SPATA6: variants seen among roughly 807,000 people sequenced by gnomAD.
SPATA6 encodes spermatogenesis-associated protein 6.
SPATA6 carries 56 observed loss-of-function variants against 65.3 expected under a neutral mutation model. The ratio of observed to expected loss-of-function variants is 0.86; its 90% CI spans 0.69 to 1.07. The LOEUF is 1.07. SPATA6 is among the 50% of genes least tolerant of loss of function. The pLI is 0.00. For missense variants in SPATA6, 590 were observed against 594.8 expected (o/e 0.99, Z 0.08); for synonymous variants, 199 against 213.2 (o/e 0.93, Z 0.58).
chr1:48,449,979 C>T (rs1656412714), intron 3 of SPATA6, among the ~76,000 whole-genome samples: 1 of 152,082 alleles, frequency 6.6e-6, no homozygotes, highest in Non-Finnish European at 1.5e-5. Flanking sequence ...CACAGGACTT[C>T]ATCACATTCT....
chr1:48,322,296 C>A (rs1174368837), intron 11 of SPATA6, among the ~76,000 whole-genome samples: 1 of 152,108 alleles, frequency 6.6e-6, no homozygotes, highest in African/African-American at 2.4e-5. Flanking sequence ...TTTGACAAAT[C>A]TGACAAAAAC....
At chr1:48,302,757 T>C (rs1435388596) in intron 12 of SPATA6, among the ~76,000 whole-genome samples, 2 of 152,124 alleles carry the variant, frequency 1.3e-5, no homozygotes, top group African/African-American at 4.8e-5. Flanking sequence ...AACATAATCT[T>C]CTACCCAACC....
chr1:48,387,116 A>G (rs1390897198), intron 8 of SPATA6, among the ~76,000 whole-genome samples: 1 of 152,166 alleles, frequency 6.6e-6, no homozygotes, highest in Non-Finnish European at 1.5e-5. Context: ...GCAGCAGGCA[A>G]AGAGAGAGAA....
At chr1:48,399,312 TG>T (rs1159208168) in intron 7 of SPATA6, 38 bp downstream of exon 7, 2 of 1,566,220 alleles carry the variant, frequency 1.3e-6, no homozygotes, top group African/African-American at 1.4e-5. Flanking sequence ...GGAAAAAAGC[TG>T]ATCAGTTTCA....
intron 9 of SPATA6, among the ~76,000 whole-genome samples, chr1:48,366,521 T>C (rs1647020030): frequency 6.6e-6 from 1 of 152,226 alleles, no homozygotes; most frequent in African/African-American, 2.4e-5. Flanking sequence ...GGTTTACTCT[T>C]GGGAGGGTGT....
chr1:48,290,129 C>T, the SPATA6 span, among the ~76,000 whole-genome samples: 1 of 152,166 alleles, frequency 6.6e-6, no homozygotes, highest in Admixed American at 6.5e-5. Context: ...AAGGGAAGCC[C>T]ATCAGACTAA....
chr1:48,285,768 C>A, the SPATA6 span, among the ~76,000 whole-genome samples: 2 of 152,148 alleles, frequency 1.3e-5, no homozygotes, highest in Non-Finnish European at 2.9e-5. Context: ...CAGGCTGCAC[C>A]CATTATCTAA....
intron 11 of SPATA6, among the ~76,000 whole-genome samples, chr1:48,344,018 C>A (rs1418042817): frequency 2.0e-5 from 3 of 151,848 alleles, no homozygotes; most frequent in Non-Finnish European, 4.4e-5. Flanking sequence ...TAGGTTTATA[C>A]CCAAATATAT....
intron 9 of SPATA6, among the ~76,000 whole-genome samples, chr1:48,360,593 G>A (rs781584879): frequency 1.4e-4 from 21 of 152,248 alleles, no homozygotes; most frequent in Admixed American, 1.0e-3. Context: ...AGTGGAGCTC[G>A]ACTGGGTAGT....
intron 3 of SPATA6, among the ~76,000 whole-genome samples, chr1:48,425,081 A>G (rs1181699523): frequency 2.0e-5 from 3 of 152,128 alleles, no homozygotes; most frequent in Non-Finnish European, 4.4e-5. Flanking sequence ...CATGTACTGG[A>G]GACTTTCCCC....
rs1285090439 is a variant in SPATA6 at position 48,315,831 on chromosome 1, C to T, written c.1195-9953G>A. ...AAAATCTCCTTAAGCTGATAAGCAA[C>T]GTCAGCAAAGTTTCAGGATACAAAA... is the stretch of plus-strand genomic sequence containing the variant. On this transcript the variant is annotated intron_variant, in intron 11 of 12. Transcript: ENST00000371847. 3.9e-5 allele frequency among the ~76,000 whole-genome samples: 6 copies of T among 152,104 alleles called. No individual in the cohort carries two copies. In the South Asian group the frequency reaches 8.3e-4, roughly 21 times the overall value.
chr1:48,302,197 ATTTT>A (rs1644955591), intron 12 of SPATA6, among the ~76,000 whole-genome samples: 1 of 151,916 alleles, frequency 6.6e-6, no homozygotes, highest in Non-Finnish European at 1.5e-5. Context: ...TTGTTTCTTT[ATTTT>A]TTTAATTGTT....
intron 11 of SPATA6, among the ~76,000 whole-genome samples, chr1:48,312,641 TCTC>T (rs2148670993): frequency 6.6e-6 from 1 of 151,986 alleles, no homozygotes; most frequent in South Asian, 2.1e-4. Context: ...TCAGAGCACC[TCTC>T]CTCCTCCAAA....
At position 48,399,777 on chromosome 1, in the gene SPATA6, T is replaced by C. The variant is rs556094069; in HGVS notation, c.487-133A>G. ...GCCAACTAGATCAGTCCTTCCTATC[T>C]GTGCTGATCCTGGGATAAGTCAAAT... is the stretch of plus-strand genomic sequence containing the variant. On this transcript the variant is annotated intron_variant, in intron 6 of 12. Transcript: ENST00000371847. The C allele has an allele frequency of 3.0e-5, 22 of 745,454 alleles. 1 individual carries two copies. In the South Asian group the frequency reaches 4.0e-4, roughly 14 times the overall value. The allele number at this position is 745,454 out of a possible 1,614,324, so 46.2% of individuals were successfully genotyped here.
At chr1:48,440,590 T>C (rs1385037448) in intron 3 of SPATA6, among the ~76,000 whole-genome samples, 2 of 152,174 alleles carry the variant, frequency 1.3e-5, no homozygotes, top group Admixed American at 6.5e-5. Flanking sequence ...ACCTGTGTTC[T>C]AGAAGGACTA....
chr1:48,444,561 A>T (rs962950137), intron 3 of SPATA6, among the ~76,000 whole-genome samples: 2 of 152,138 alleles, frequency 1.3e-5, no homozygotes, highest in Non-Finnish European at 2.9e-5. Context: ...ACCAATCAGC[A>T]CTCTGTAAAA....
chr1:48,364,821 T>C (rs553718131), intron 9 of SPATA6, among the ~76,000 whole-genome samples: 4 of 152,364 alleles, frequency 2.6e-5, no homozygotes, highest in East Asian at 3.9e-4. Context: ...CATTTGTCAA[T>C]TGTGGCTTTT....
chr1:48,325,595 A>G lies in SPATA6; in HGVS notation c.1195-19717T>C, dbSNP rs72891568. 2.7e-3 allele frequency: 2,382 copies of G among 881,184 alleles called. 34 individuals carry two copies. In the African/African-American group the frequency reaches 0.035, roughly 13 times the overall value. The allele number at this position is 881,184 out of a possible 1,614,324, so 54.6% of individuals were successfully genotyped here. A position where few individuals can be genotyped will look rare whatever the true frequency, so the allele number is the denominator to read the frequency against. ...TCCCTCCTCAATGGTAAAGGTGGAAATCCACTTGTTGTGGGCAGTGTTGAA... is the reference window on the plus strand; with the variant it reads ...TCCCTCCTCAATGGTAAAGGTGGAAGTCCACTTGTTGTGGGCAGTGTTGAA... On this transcript the variant is annotated intron_variant, in intron 11 of 12. Coordinates refer to ENST00000371847, the MANE Select transcript of SPATA6 (RefSeq NM_019073.4).
chr1:48,368,577 T>G (rs1427527953), intron 9 of SPATA6, among the ~76,000 whole-genome samples: 1 of 152,236 alleles, frequency 6.6e-6, no homozygotes, highest in Non-Finnish European at 1.5e-5. Context: ...TTTCTTCCAG[T>G]TGATCACATC....
Sources: gnomAD v4.1 joint callset for allele counts (sites outside exome capture counted in the v4.1 genomes callset) on GRCh38, gnomAD v4.1.1 for gene constraint, MANE v1.5 for transcripts, NCBI Gene and HGNC (gene_info 2026-07-23, HGNC 2026-07-21) for gene names.